Variants in CARNS1 observed in about 807,000 individuals in gnomAD.
The protein encoded by CARNS1 is carnosine synthase 1, also known as ATP-grasp domain containing 1.
Under a neutral mutation model 74.0 loss-of-function variants are expected in CARNS1, and 61 were observed. The observed-to-expected ratio is 0.82, with a 90% confidence interval of 0.67 to 1.02. The LOEUF is 1.02. CARNS1 is among the 50% of genes least tolerant of loss of function. The pLI, the probability that CARNS1 is intolerant of heterozygous loss-of-function variation, is 0.00. For missense variants in CARNS1, 1,278 were observed against 1,308.4 expected, an observed-to-expected ratio of 0.98 and a Z score of 0.36; for synonymous variants, 568 against 605.5, an observed-to-expected ratio of 0.94 and a Z score of 0.91.
chr11:67,416,851 C>T (rs1863557456), intron 2 of CARNS1: 1 of 986,446 alleles, frequency 1.0e-6, no homozygotes, highest in Non-Finnish European at 1.2e-6. Flanking sequence ...GTCTAGCCTC[C>T]TAATGTTTAG....
chr11:67,421,475 A>G (rs1019300449), intron 9 of CARNS1, among the ~76,000 whole-genome samples: 1 of 152,168 alleles, frequency 6.6e-6, no homozygotes, highest in Non-Finnish European at 1.5e-5. Context: ...AGTCCTCCAC[A>G]GAAAGAGGAG....
At position 67,422,171 on chromosome 11, in the gene CARNS1, C is replaced by CTTTT. The variant is rs35293042; in HGVS notation, c.1626+979_1626+982dup. Among the ~76,000 whole-genome samples the CTTTT allele has an allele frequency of 4.1e-3, 295 of 72,788 alleles. 50 individuals carry two copies. Among genetic ancestry groups the CTTTT allele is most frequent in the African/African-American group, 0.018 (214 of 11,578 alleles). The allele number at this position is 72,788 out of a possible 152,430, so 47.8% of individuals were successfully genotyped here. Reference sequence around the variant, plus strand: ...ACAGGCGTGAGCCACCGCGCCCGGCCTTTTTTTTTTTTTTTTTTTTTTTTT... The same window carrying CTTTT: ...ACAGGCGTGAGCCACCGCGCCCGGCCTTTTTTTTTTTTTTTTTTTTTTTTTTTTT... On this transcript the variant is annotated intron_variant, in intron 9 of 9. Coordinates refer to ENST00000687366, the MANE Select transcript of CARNS1 (RefSeq NM_001166222.2).
In CARNS1 at chr11:67,423,015, G is replaced by A. The variant is rs756237561; in HGVS notation, c.1627-360G>A. On this transcript the variant is annotated intron_variant, in intron 9 of 9. Coordinates refer to ENST00000687366, the MANE Select transcript of CARNS1 (RefSeq NM_001166222.2). The surrounding 1 kb of genome is among the most constrained non-coding windows in gnomAD (Gnocchi z 5.1). ...CCCTGGTAGTTTCTCTGCAATCCCC[G>A]GCCAGTGAGGCTGCCTGTGGGAAAG... Among the ~76,000 whole-genome samples, 5 of 152,090 alleles carry A rather than the reference G, an allele frequency of 3.3e-5. No individual in the cohort carries two copies. The highest frequency in any genetic ancestry group is 4.4e-5 in the Non-Finnish European group (3 of 68,012).
At chr11:67,419,359 T>C in intron 5 of CARNS1, 116 bp downstream of exon 5, 1 of 1,483,106 alleles carries the variant, frequency 6.7e-7, no homozygotes, top group Non-Finnish European at 9.0e-7. Flanking sequence ...GCCGCTGCCC[T>C]GCCCCATCTC....
Position 67,423,926 on chromosome 11 carries a change from G to A in CARNS1, c.2178G>A (p.Glu726=). 1 of 1,613,748 alleles carries A rather than the reference G, an allele frequency of 6.2e-7. No homozygotes were observed. The highest frequency in any genetic ancestry group is 1.1e-5 in the South Asian group (1 of 91,082). The part of the protein sequence containing the change: ...LGWGNAMLLM[E]FVEGTEHDVD... ...GGGGCAATGCCATGCTGCTGATGGA[G>A]TTTGTGGAGGGCACCGAGCACGACG... The change falls in exon 10 of 10, where the codon GAG becomes GAA. Residue 726 remains glutamate, a synonymous_variant. Coordinates refer to ENST00000687366, the MANE Select transcript of CARNS1 (RefSeq NM_001166222.2). This position sits in a 1 kb window ranked among gnomAD's most constrained non-coding sequence, Gnocchi z 5.1.
intron 2 of CARNS1, chr11:67,416,921 A>AT (rs981886646): frequency 1.0e-6 from 1 of 987,372 alleles, no homozygotes; most frequent in East Asian, 1.1e-4. Context: ...GTGGAATCAC[A>AT]TTTAGGTGTC....
intron 9 of CARNS1, among the ~76,000 whole-genome samples, chr11:67,422,839 CCTCT>C (rs1344699273): frequency 6.6e-6 from 1 of 152,220 alleles, no homozygotes; most frequent in Admixed American, 6.5e-5. Context: ...AGCCACCCTC[CCTCT>C]CTCTTCAGTG....
rs1232928318 is a variant in CARNS1, at chr11:67,425,531, C to T, written c.*930C>T. The T allele has an allele frequency of 6.0e-6, 1 of 167,446 alleles. No homozygotes were observed. Among genetic ancestry groups the T allele is most frequent in the African/African-American group, 2.4e-5 (1 of 41,940 alleles). 10.4% of individuals were successfully genotyped at this position (167,446 alleles called of 1,614,324 possible). The stretch of plus-strand genomic sequence containing the variant: ...TTCAGGGAAGATGCTTTAAGAAATC[C>T]TGCCTCTGTGCAGCAGAGGAGCTGG... On this transcript the variant is annotated 3_prime_UTR_variant, in exon 10 of 10. Transcript: ENST00000687366.
rs545975688 is a variant in CARNS1 at position 67,421,025 on chromosome 11, G to C, written c.1432G>C (p.Gly478Arg). 2.8e-3 allele frequency: 3,784 copies of C among 1,372,456 alleles called. 9 individuals are homozygous for C. The highest frequency in any genetic ancestry group is 3.6e-3 in the Middle Eastern group (14 of 3,870). The allele number at this position is 1,372,456 out of a possible 1,614,324, so 85.0% of individuals were successfully genotyped here. A position where few individuals can be genotyped will look rare whatever the true frequency, so the allele number is the denominator to read the frequency against. The part of the protein sequence containing the change: ...LNGGLCLEAC[G>R]ALEGLWAAPR... ...CGGCGGCCTGTGTCTGGAGGCGTGC[G>C]GCGCGCTGGAGGGGCTGTGGGCCGC... The change falls in exon 9 of 10, where the codon GGC becomes CGC. Residue 478 changes from glycine to arginine, a missense_variant. Gly to Arg is a moderately radical substitution (Grantham distance 125). Transcript: ENST00000687366.
At chr11:67,421,350 G>A in intron 9 of CARNS1, 131 bp downstream of exon 9, 1 of 1,081,518 alleles carries the variant, frequency 9.2e-7, no homozygotes, top group Non-Finnish European at 1.2e-6. Flanking sequence ...CGGTGCTTGG[G>A]CGGGGCATCC....
In CARNS1 at chr11:67,425,498, C is replaced by T. The variant is rs1009505805; in HGVS notation, c.*897C>T. On this transcript the variant is annotated 3_prime_UTR_variant, in exon 10 of 10. Transcript: ENST00000687366. ...ATTGGCAGAGGAGAGTCTACACTCT[C>T]TTCCTCATTCAGGGAAGATGCTTTA... 2.3e-5 allele frequency: 4 copies of T among 177,112 alleles called. No individual in the cohort carries two copies. The highest frequency in any genetic ancestry group is 1.6e-4 in the Admixed American group (3 of 18,280). 11.0% of individuals were successfully genotyped at this position (177,112 alleles called of 1,614,324 possible).
intron 3 of CARNS1, 128 bp from the exon 4 acceptor site, chr11:67,418,303 T>G: frequency 1.6e-6 from 1 of 613,446 alleles, no homozygotes; most frequent in South Asian, 2.5e-5. Context: ...GCCTGTCCCC[T>G]GTCTCATCCG....
Position 67,421,078 on chromosome 11 carries a change from G to C in CARNS1, c.1485G>C (p.Glu495Asp). ...AAPRLGPAAD[E>D]AVAAPLVETM... ...CGCGGCTGGGGCCGGCGGCCGACGA[G>C]GCGGTGGCGGCGCCGCTGGTGGAGA... Residue 495 changes from glutamate (E) to aspartate (D), a missense_variant, in exon 9 of 10, where the codon GAG becomes GAC. Physicochemically the swap from Glu to Asp is conservative, Grantham distance 45. This residue lies in a region of CARNS1 where 1,164 missense variants were observed against 1,156.5 expected (regional missense o/e 1.01). Transcript: ENST00000687366. 1 of 1,375,736 alleles carries C rather than the reference G, an allele frequency of 7.3e-7. No homozygotes were observed. The highest frequency in any genetic ancestry group is 1.7e-5 in the South Asian group (1 of 58,786). The allele number at this position is 1,375,736 out of a possible 1,614,324, so 85.2% of individuals were successfully genotyped here.
Position 67,419,568 on chromosome 11 carries a change from GTGGACACAGTGC to G in CARNS1, c.938_949del (p.Asp313_Leu316del). ...CCCGCGGGCAGAGCTGGGTGCAGTG[GTGGACACAGTGC>G]TGGCGCTGCTGGAGAAGCTGGAGGA... On this transcript the variant is annotated inframe_deletion, in exon 6 of 10. Coordinates refer to ENST00000687366, the MANE Select transcript of CARNS1 (RefSeq NM_001166222.2). 6.2e-7 allele frequency: 1 copy of G among 1,607,118 alleles called. No individual in the cohort carries two copies. The highest frequency in any genetic ancestry group is 1.1e-5 in the South Asian group (1 of 90,254).
In CARNS1 at chr11:67,416,271, C is replaced by G. The variant is rs75477179; in HGVS notation, c.3+69C>G. The G allele has an allele frequency of 2.8e-4, 424 of 1,536,454 alleles. 5 individuals carry two copies. The African/African-American group carries it at 5.5e-3, about 20-fold the overall frequency. The stretch of plus-strand genomic sequence containing the variant: ...GGCAGAGAGTGGGCCCAGAGGACAG[C>G]AGGCAGCACCTAGGACCTAAGCCTG... On this transcript the variant is annotated intron_variant, in intron 2 of 9. Coordinates refer to ENST00000687366, the MANE Select transcript of CARNS1 (RefSeq NM_001166222.2).
At position 67,423,783 on chromosome 11, in the gene CARNS1, G is replaced by A. The variant is rs778905658; in HGVS notation, c.2035G>A (p.Gly679Arg). Residue 679 changes from glycine (G) to arginine (R), a missense_variant, in exon 10 of 10, where the codon GGG becomes AGG. Physicochemically the swap from Gly to Arg is moderately radical, Grantham distance 125. Coordinates refer to ENST00000687366, the MANE Select transcript of CARNS1 (RefSeq NM_001166222.2). The surrounding 1 kb of genome is among the most constrained non-coding windows in gnomAD (Gnocchi z 5.1). ...PLPGVMKLEF[G>R]AGAVGVRLVE... ...GCCAGGTGTCATGAAGCTGGAGTTC[G>A]GGGCAGGTGCAGTGGGTGTCCGGCT... 34 of 1,599,506 alleles carry A rather than the reference G, an allele frequency of 2.1e-5. No individual in the cohort carries two copies. The highest frequency in any genetic ancestry group is 1.6e-4 in the Middle Eastern group (1 of 6,072).
In CARNS1 at chr11:67,420,924, T is replaced by C. The variant is rs2135091254; in HGVS notation, c.1346-15T>C. The C allele has an allele frequency of 7.3e-7, 1 of 1,373,140 alleles. No homozygotes were observed. 85.1% of individuals were successfully genotyped at this position (1,373,140 alleles called of 1,614,324 possible). ...TGGCTGCCGTAGCTGAGCTCGCGCC[T>C]CCCGCCCGGCGCAGGCGTGGATTTC... On this transcript the variant is annotated splice_polypyrimidine_tract_variant and intron_variant, in intron 8 of 9. Coordinates refer to ENST00000687366, the MANE Select transcript of CARNS1 (RefSeq NM_001166222.2).
In CARNS1 at chr11:67,424,142, C is replaced by G. The variant is rs747355221; in HGVS notation, c.2394C>G (p.Asn798Lys). The G allele has an allele frequency of 1.9e-6, 3 of 1,613,952 alleles. No homozygotes were observed. In the South Asian group the frequency reaches 3.3e-5, roughly 18 times the overall value. Residue 798 changes from asparagine (N) to lysine (K), a missense_variant, in exon 10 of 10, where the codon AAC becomes AAG. Physicochemically the swap from Asn to Lys is moderately conservative, Grantham distance 94 (BLOSUM62 0). Coordinates refer to ENST00000687366, the MANE Select transcript of CARNS1 (RefSeq NM_001166222.2). ...GCGGGTTGCTCGATGGAGTCTTCAACGTGGAGCTCAAGCTGACCGGGGCTG... is the reference window on the plus strand; with the variant it reads ...GCGGGTTGCTCGATGGAGTCTTCAAGGTGGAGCTCAAGCTGACCGGGGCTG... ...LGCGLLDGVF[N>K]VELKLTGAGP...
rs1338777500 is a variant in CARNS1, at chr11:67,417,436, G to A, written c.33G>A (p.Trp11Ter). ...CCCTGGATCCATCGGGTCCCGAGTGGGATTGCCCACTGGGCTCCAAGGACC... is the reference window on the plus strand; with the variant it reads ...CCCTGGATCCATCGGGTCCCGAGTGAGATTGCCCACTGGGCTCCAAGGACC... MLSLDPSGPE[W>*]DCPLGSKDLE... The change falls in exon 3 of 10, where the codon TGG becomes TGA. Residue 11 changes from tryptophan (W) to a stop codon, truncating the protein, a stop_gained. Coordinates refer to ENST00000687366, the MANE Select transcript of CARNS1 (RefSeq NM_001166222.2). LOFTEE classifies it high-confidence loss of function. The A allele has an allele frequency of 7.1e-7, 1 of 1,413,900 alleles. No homozygotes were observed. The highest frequency in any genetic ancestry group is 9.2e-7 in the Non-Finnish European group (1 of 1,084,236). The allele number at this position is 1,413,900 out of a possible 1,614,324, so 87.6% of individuals were successfully genotyped here. A position where few individuals can be genotyped will look rare whatever the true frequency, so the allele number is the denominator to read the frequency against.
Sources: gnomAD v4.1 joint callset for allele counts (sites outside exome capture counted in the v4.1 genomes callset) on GRCh38, gnomAD v4.1.1 for gene constraint, gnomAD v4.1.1 regional missense constraint, Gnocchi (gnomAD v3.1) non-coding constraint, MANE v1.5 for transcripts, NCBI Gene and HGNC (gene_info 2026-07-23, HGNC 2026-07-21) for gene names.